The following LDB2 variants were observed in gnomAD, a reference collection of about 807,000 sequenced individuals.
LDB2 encodes LIM domain-binding protein 2.
A neutral mutation model predicts 44.3 loss-of-function variants in LDB2; 12 were observed. The observed-to-expected ratio is 0.27, with a 90% CI of 0.17 to 0.44. LDB2 has a LOEUF of 0.44. Among genes scored for constraint, LDB2 ranks in the 20% least tolerant of loss-of-function variants. The pLI is 1.00. For synonymous variants in LDB2, 164 were observed against 174.8 expected (o/e 0.94, Z 0.49); for missense variants, 344 against 473.5 (o/e 0.73, Z 2.54).
intron 2 of LDB2, among the ~76,000 whole-genome samples, chr4:16,722,409 C>T (rs1220440542): frequency 1.3e-5 from 2 of 152,106 alleles, no homozygotes; most frequent in African/African-American, 2.4e-5. Context: ...GAACTGGGTG[C>T]CCTCTCAGGA....
intron 1 of LDB2, among the ~76,000 whole-genome samples, chr4:16,888,329 G>C (rs1722355713): frequency 6.6e-6 from 1 of 152,202 alleles, no homozygotes; most frequent in African/African-American, 2.4e-5. Context: ...ACCAATCACA[G>C]CTTTTTCCCA....
chr4:16,540,133 A>T (rs1439094096), intron 5 of LDB2, among the ~76,000 whole-genome samples: 1 of 152,100 alleles, frequency 6.6e-6, no homozygotes, highest in African/African-American at 2.4e-5. Flanking sequence ...ACTCACTGCC[A>T]GGAGAACAGC....
At chr4:16,880,087 AT>A (rs1457939694) in intron 1 of LDB2, among the ~76,000 whole-genome samples, 2 of 151,942 alleles carry the variant, frequency 1.3e-5, no homozygotes, top group Admixed American at 1.3e-4. Flanking sequence ...ACAAATCCAA[AT>A]CCTACAATCC....
At chr4:16,526,507 C>T (rs1577384366) in intron 5 of LDB2, among the ~76,000 whole-genome samples, 1 of 152,222 alleles carries the variant, frequency 6.6e-6, no homozygotes, top group Non-Finnish European at 1.5e-5. Context: ...TCTGTCATCA[C>T]ATGAGCCAAT....
chr4:16,566,435 A>G (rs1744543719), intron 5 of LDB2, among the ~76,000 whole-genome samples: 2 of 152,090 alleles, frequency 1.3e-5, no homozygotes, highest in African/African-American at 4.8e-5. Flanking sequence ...AATCAGTGAG[A>G]AAAGGACGTA....
intron 1 of LDB2, among the ~76,000 whole-genome samples, chr4:16,785,297 C>CAG (rs1340627310): frequency 2.6e-5 from 4 of 152,112 alleles, no homozygotes; most frequent in Non-Finnish European, 5.9e-5. Flanking sequence ...GAGACTGAAG[C>CAG]AGGCACCAAC....
At chr4:16,541,902 A>C (rs916960456) in intron 5 of LDB2, among the ~76,000 whole-genome samples, 1 of 152,022 alleles carries the variant, frequency 6.6e-6, no homozygotes, top group African/African-American at 2.4e-5. Context: ...TTTTTTCTAG[A>C]GGAATGAAAA....
chr4:16,877,896 G>A (rs1718902469), intron 1 of LDB2, among the ~76,000 whole-genome samples: 1 of 152,070 alleles, frequency 6.6e-6, no homozygotes, highest in Non-Finnish European at 1.5e-5. Context: ...CAATCAAATG[G>A]CAAATGGCCC....
intron 2 of LDB2, among the ~76,000 whole-genome samples, chr4:16,635,289 A>T (rs998701140): frequency 7.4e-5 from 11 of 148,480 alleles, no homozygotes; most frequent in Admixed American, 2.0e-4. Context: ...TTAAAGTATA[A>T]AAAAAAAAAA....
chr4:16,866,664 T>C (rs562080154), intron 1 of LDB2, among the ~76,000 whole-genome samples: 22 of 152,242 alleles, frequency 1.4e-4, no homozygotes, highest in Admixed American at 9.2e-4. Flanking sequence ...AAAGGAGTCA[T>C]AAAGGGAGCT....
intron 2 of LDB2, among the ~76,000 whole-genome samples, chr4:16,639,159 C>G (rs1734457102): frequency 1.3e-5 from 2 of 152,068 alleles, no homozygotes; most frequent in Admixed American, 6.5e-5. Context: ...CATTTTTCCC[C>G]CTGAATGATT....
rs149232364 is a variant in LDB2 at position 16,640,811 on chromosome 4, C to T, written c.236-44936G>A. On this transcript the variant is annotated intron_variant, in intron 2 of 7. Coordinates refer to ENST00000304523, the MANE Select transcript of LDB2 (RefSeq NM_001290.5). ...AAAGAGTAGATTCTATGCCAGAAGG[C>T]TGTCAATGAACCATGTATTTGATAT... is the stretch of plus-strand genomic sequence containing the variant. Among the ~76,000 whole-genome samples the T allele has an allele frequency of 2.8e-3, 426 of 152,264 alleles. 1 individual carries two copies. The highest frequency in any genetic ancestry group is 1.0e-2 in the African/African-American group (415 of 41,548).
At chr4:16,534,938 A>G (rs188442508) in intron 5 of LDB2, among the ~76,000 whole-genome samples, 2 of 152,322 alleles carry the variant, frequency 1.3e-5, no homozygotes, top group Admixed American at 1.3e-4. Flanking sequence ...CTACATACTA[A>G]GAAGTGTAAT....
intron 2 of LDB2, among the ~76,000 whole-genome samples, chr4:16,692,441 G>A (rs75802087): frequency 0.019 from 2,944 of 152,226 alleles, 83 homozygotes; most frequent in African/African-American, 0.067. Flanking sequence ...AGCAGCAAAA[G>A]GGTTACTTCC....
chr4:16,505,394 C>T (rs1718990358), intron 7 of LDB2, among the ~76,000 whole-genome samples: 1 of 151,716 alleles, frequency 6.6e-6, no homozygotes, highest in Non-Finnish European at 1.5e-5. Context: ...TGTGTGCGTG[C>T]ATAATTGACA....
intron 5 of LDB2, among the ~76,000 whole-genome samples, chr4:16,561,195 A>G (rs983507134): frequency 2.6e-5 from 4 of 152,130 alleles, no homozygotes; most frequent in Non-Finnish European, 4.4e-5. Flanking sequence ...CCTATTCAAC[A>G]TAGTGTTGGA....
At chr4:16,598,482 G>A (rs1445886420) in intron 2 of LDB2, among the ~76,000 whole-genome samples, 1 of 152,182 alleles carries the variant, frequency 6.6e-6, no homozygotes, top group East Asian at 1.9e-4. Flanking sequence ...GCTGCCTCAA[G>A]CTGGTGTCAC....
At position 16,739,713 on chromosome 4, in the gene LDB2, T is replaced by C. The variant is rs55651235; in HGVS notation, c.235+19445A>G. Among the ~76,000 whole-genome samples the C allele has an allele frequency of 4.6e-4, 45 of 97,384 alleles. 4 individuals are homozygous for C. Among genetic ancestry groups the C allele is most frequent in the African/African-American group, 1.0e-3 (26 of 24,916 alleles). 63.9% of individuals were successfully genotyped at this position (97,384 alleles called of 152,430 possible). A position where few individuals can be genotyped will look rare whatever the true frequency, so the allele number is the denominator to read the frequency against. On this transcript the variant is annotated intron_variant, in intron 2 of 7. Transcript: ENST00000304523. ...GTATATATACATATATGTGTATATA[T>C]GTATATATACATATATGTGTATATA...
intron 1 of LDB2, among the ~76,000 whole-genome samples, chr4:16,837,467 G>T (rs1785078541): frequency 6.6e-6 from 1 of 152,144 alleles, no homozygotes; most frequent in Admixed American, 6.5e-5. Context: ...TTCCCACGTT[G>T]ACTCTGGACC....
Sources: allele counts gnomAD v4.1 joint callset (sites outside exome capture counted in the v4.1 genomes callset), GRCh38; gene constraint gnomAD v4.1.1; transcripts MANE v1.5; gene names NCBI Gene and HGNC (gene_info 2026-07-23, HGNC 2026-07-21).